Variants in KCNA7 observed in about 807,000 individuals in gnomAD.
KCNA7 encodes potassium voltage-gated channel subfamily A member 7.
KCNA7 carries 15 observed loss-of-function variants against 21.5 expected under a neutral mutation model. That is an observed-to-expected ratio of 0.70 (90% CI 0.47 to 1.07). The LOEUF (loss-of-function observed/expected upper bound fraction) is 1.07, where lower values mean the gene tolerates loss of function less well. Among genes scored for constraint, KCNA7 ranks in the 50% least tolerant of loss-of-function variants. The probability of loss-of-function intolerance (pLI) is 0.00; values close to 1 mark genes in which losing one functional copy is unlikely to be tolerated. For missense variants in KCNA7, 640 were observed against 651.6 expected (o/e 0.98, Z 0.19); for synonymous variants, 298 against 291.0 (o/e 1.02, Z -0.24).
rs758595605 is a variant in KCNA7 at position 49,072,138 on chromosome 19, C to A, written c.448G>T (p.Val150Leu). Residue 150 changes from valine (V) to leucine (L), a missense_variant, in exon 1 of 2, where the codon GTG becomes TTG. Physicochemically the swap from Val to Leu is conservative, Grantham distance 32. Coordinates refer to ENST00000221444, the MANE Select transcript of KCNA7 (RefSeq NM_031886.3). Reference sequence around the variant, plus strand: ...ACGATGGAGACGAGGATGACCAGCACGGAGACTACGGCGAGCACGCGCGCG... The same window carrying A: ...ACGATGGAGACGAGGATGACCAGCAAGGAGACTACGGCGAGCACGCGCGCG... ...QAARVLAVVS[V>L]LVILVSIVVF... 8.7e-6 allele frequency: 14 copies of A among 1,612,404 alleles called. No individual in the cohort carries two copies. In the East Asian group the frequency reaches 1.6e-4, roughly 18 times the overall value.
At position 49,072,367 on chromosome 19, in the gene KCNA7, C is replaced by G. The variant is rs2122260406; in HGVS notation, c.219G>C (p.Gln73His). The stretch of plus-strand genomic sequence containing the variant: ...CCGGCCGCCGCAGCCGCCCACCGGA[C>G]TGGTAGTAGTAGAGCACGGCGTCGA... Reference protein sequence around the residue: ...PSFDAVLYYYQSGGRLRRPAH... With the variant: ...PSFDAVLYYYHSGGRLRRPAH... Residue 73 changes from glutamine to histidine, a missense_variant, in exon 1 of 2, where the codon CAG (glutamine) becomes CAC (histidine). Physicochemically the swap from Gln to His is conservative, Grantham distance 24. Coordinates refer to ENST00000221444, the MANE Select transcript of KCNA7 (RefSeq NM_031886.3). 5 of 1,594,674 alleles carry G rather than the reference C, an allele frequency of 3.1e-6. No homozygotes were observed. Among genetic ancestry groups the G allele is most frequent in the Admixed American group, 1.7e-5 (1 of 59,012 alleles).
Position 49,070,091 on chromosome 19 carries a change from G to A in KCNA7, c.1343C>T (p.Pro448Leu), listed in dbSNP as rs1330098654. Residue 448 changes from proline (P) to leucine (L), a missense_variant, in exon 2 of 2, where the codon CCA becomes CTA. Physicochemically the swap from Pro to Leu is moderately conservative, Grantham distance 98. Transcript: ENST00000221444. This position sits in a 1 kb window ranked among gnomAD's most constrained non-coding sequence, Gnocchi z 4.3. Reference protein sequence around the residue: ...PELPPPLWAPPGKHLVTEV With the variant: ...PELPPPLWAPLGKHLVTEV ...CACTTCGGTGACCAGGTGTTTCCCT[G>A]GGGGTGCCCAGAGTGGAGGTGGTAG... 6.2e-7 allele frequency: 1 copy of A among 1,606,662 alleles called. No homozygotes were observed. The highest frequency in any genetic ancestry group is 1.7e-5 in the Admixed American group (1 of 59,496).
Position 49,070,507 on chromosome 19 carries a change from C to T in KCNA7, c.927G>A (p.Met309Ile). 3 of 1,614,170 alleles carry T rather than the reference C, an allele frequency of 1.9e-6. No homozygotes were observed. Among genetic ancestry groups the T allele is most frequent in the Non-Finnish European group, 2.5e-6 (3 of 1,180,034 alleles). ...AAAAGATGAGGAGGCCCAGCTCACG[C>T]ATGGAGGCCCGAAGCGTCTGGCCCA... is the stretch of plus-strand genomic sequence containing the variant. ...QILGQTLRAS[M>I]RELGLLIFFL... Residue 309 changes from methionine to isoleucine, a missense_variant, in exon 2 of 2, where the codon ATG becomes ATA. By Grantham distance (10) the Met-to-Ile change is conservative (BLOSUM62 1). Coordinates refer to ENST00000221444, the MANE Select transcript of KCNA7 (RefSeq NM_031886.3). This position sits in a 1 kb window ranked among gnomAD's most constrained non-coding sequence, Gnocchi z 4.3.
In KCNA7 at chr19:49,069,773, C is replaced by T; in HGVS notation, c.*290G>A. 1 of 396,486 alleles carries T rather than the reference C, an allele frequency of 2.5e-6. No individual in the cohort carries two copies. The highest frequency in any genetic ancestry group is 4.6e-6 in the Non-Finnish European group (1 of 218,690). The allele number at this position is 396,486 out of a possible 1,614,324, so 24.6% of individuals were successfully genotyped here. A position where few individuals can be genotyped will look rare whatever the true frequency, so the allele number is the denominator to read the frequency against. On this transcript the variant is annotated 3_prime_UTR_variant, in exon 2 of 2. Transcript: ENST00000221444. ...AATGATACGACCAAACCTATCTCAA[C>T]ACTACCCCAAAAGGCTCCATGAGCT...
In KCNA7 at chr19:49,070,753, G is replaced by A; in HGVS notation, c.681C>T (p.Arg227=). The stretch of plus-strand genomic sequence containing the variant: ...TAGCCTTGCTTGGACAGACCAGGAG[G>A]CGTACCAGCAGCTCAAAGGAGAACC... The part of the protein sequence containing the change: ...ICWFSFELLV[R]LLVCPSKAIF... The change falls in exon 2 of 2, where the codon CGC becomes CGT. Residue 227 remains arginine (R), a synonymous_variant. Coordinates refer to ENST00000221444, the MANE Select transcript of KCNA7 (RefSeq NM_031886.3). This position sits in a 1 kb window ranked among gnomAD's most constrained non-coding sequence, Gnocchi z 4.3. The A allele has an allele frequency of 6.2e-7, 1 of 1,614,192 alleles. No homozygotes were observed. The highest frequency in any genetic ancestry group is 2.2e-5 in the East Asian group (1 of 44,880).
chr19:49,067,557 C>A lies in KCNA7; in HGVS notation c.*2506G>T, dbSNP rs991283807. The A allele has an allele frequency of 1.3e-5, 2 of 152,242 alleles. No homozygotes were observed. Among genetic ancestry groups the A allele is most frequent in the African/African-American group, 4.8e-5 (2 of 41,458 alleles). The allele number at this position is 152,242 out of a possible 1,614,324, so 9.4% of individuals were successfully genotyped here. ...TTCGGCCTTGTGACCTTGGGTAACA[C>A]CTGCTGCTCTGAGCCTCAGTTTCCC... On this transcript the variant is annotated 3_prime_UTR_variant, in exon 2 of 2. Coordinates refer to ENST00000221444, the MANE Select transcript of KCNA7 (RefSeq NM_031886.3).
Position 49,070,218 on chromosome 19 carries a change from C to T in KCNA7, c.1216G>A (p.Glu406Lys). The T allele has an allele frequency of 1.2e-6, 2 of 1,614,232 alleles. No homozygotes were observed. Among genetic ancestry groups the T allele is most frequent in the Non-Finnish European group, 8.5e-7 (1 of 1,180,046 alleles). Residue 406 changes from glutamate to lysine, a missense_variant, in exon 2 of 2, where the codon GAG becomes AAG. Transcript: ENST00000221444. This position sits in a 1 kb window ranked among gnomAD's most constrained non-coding sequence, Gnocchi z 4.3. ...CTGAACATCCCAGCCTCTTCGCCCT[C>T]TGTCTCCCGGTGATAAAAGTAGCTG... Reference protein sequence around the residue: ...NFSYFYHRETEGEEAGMFSHV... With the variant: ...NFSYFYHRETKGEEAGMFSHV...
chr19:49,070,038 A>T lies in KCNA7; in HGVS notation c.*25T>A. ...CCCTCCCTCCCTCTAGGGAGGTGTG[A>T]GGTCCTGCAGACCTCAACTGTTCCT... On this transcript the variant is annotated 3_prime_UTR_variant, in exon 2 of 2. Coordinates refer to ENST00000221444, the MANE Select transcript of KCNA7 (RefSeq NM_031886.3). This position sits in a 1 kb window ranked among gnomAD's most constrained non-coding sequence, Gnocchi z 4.3. 1 of 1,499,814 alleles carries T rather than the reference A, an allele frequency of 6.7e-7. No homozygotes were observed. The highest frequency in any genetic ancestry group is 9.1e-7 in the Non-Finnish European group (1 of 1,098,874). The allele number at this position is 1,499,814 out of a possible 1,614,324, so 92.9% of individuals were successfully genotyped here. A position where few individuals can be genotyped will look rare whatever the true frequency, so the allele number is the denominator to read the frequency against.
rs765019061 is a variant in KCNA7 at position 49,072,222 on chromosome 19, G to A, written c.364C>T (p.Arg122Cys). 1.2e-6 allele frequency: 2 copies of A among 1,602,890 alleles called. No individual in the cohort carries two copies. The highest frequency in any genetic ancestry group is 1.3e-5 in the African/African-American group (1 of 74,458). Reference protein sequence around the residue: ...CPVPPERPLPRRAFARQLWLL... With the variant: ...CPVPPERPLPCRAFARQLWLL... ...CACAGCTGGCGGGCGAAGGCGCGGCGGGGCAGGGGGCGCTCGGGCGGCACC... is the reference window on the plus strand; with the variant it reads ...CACAGCTGGCGGGCGAAGGCGCGGCAGGGCAGGGGGCGCTCGGGCGGCACC... The change falls in exon 1 of 2, where the codon CGC becomes TGC. Residue 122 changes from arginine to cysteine, a missense_variant. By Grantham distance (180) the Arg-to-Cys change is radical. Coordinates refer to ENST00000221444, the MANE Select transcript of KCNA7 (RefSeq NM_031886.3).
intron 1 of KCNA7, 131 bp from the exon 2 acceptor site, chr19:49,071,009 C>A: frequency 2.7e-6 from 2 of 735,766 alleles, no homozygotes; most frequent in Non-Finnish European, 4.3e-6. Context: ...CCCTCCGTGA[C>A]CTGGTTATCC....
At position 49,070,430 on chromosome 19, in the gene KCNA7, A is replaced by G. The variant is rs142738378; in HGVS notation, c.1004T>C (p.Val335Ala). ...LFSSAVYFAE[V>A]DRVDSHFTSI... ...AGTGAAATGGGAGTCCACCCGGTCA[A>G]CTTCGGCAAAGTAGACGGCGCTGGA... The change falls in exon 2 of 2, where the codon GTT (valine) becomes GCT (alanine). Residue 335 changes from valine (V) to alanine (A), a missense_variant. Transcript: ENST00000221444. The surrounding 1 kb of genome is among the most constrained non-coding windows in gnomAD (Gnocchi z 4.3). 104 of 1,614,058 alleles carry G rather than the reference A, an allele frequency of 6.4e-5. No homozygotes were observed. Among genetic ancestry groups the G allele is most frequent in the Non-Finnish European group, 8.4e-5 (99 of 1,180,038 alleles).
rs968352535 is a variant in KCNA7, at chr19:49,068,170, G to A, written c.*1893C>T. On this transcript the variant is annotated 3_prime_UTR_variant, in exon 2 of 2. Coordinates refer to ENST00000221444, the MANE Select transcript of KCNA7 (RefSeq NM_031886.3). ...CCACCTCGGCCTCCCAAAGTGCTGGGGTTACAGGCATGAGCCACCGCGCCC... is the reference window on the plus strand; with the variant it reads ...CCACCTCGGCCTCCCAAAGTGCTGGAGTTACAGGCATGAGCCACCGCGCCC... 3 of 152,344 alleles carry A rather than the reference G, an allele frequency of 2.0e-5. No individual in the cohort carries two copies. The highest frequency in any genetic ancestry group is 7.2e-5 in the African/African-American group (3 of 41,408). 9.4% of individuals were successfully genotyped at this position (152,344 alleles called of 1,614,324 possible).
rs959548380 is a variant in KCNA7, at chr19:49,068,222, G to A, written c.*1841C>T. 2.0e-5 allele frequency: 3 copies of A among 151,680 alleles called. No individual in the cohort carries two copies. The highest frequency in any genetic ancestry group is 6.6e-5 in the Admixed American group (1 of 15,208). 9.4% of individuals were successfully genotyped at this position (151,680 alleles called of 1,614,324 possible). ...GCCTTTTCTGCCTTTTTCTATTGTG[G>A]TTCTCTTTCCCTGAGACTCTGTTGT... is the stretch of plus-strand genomic sequence containing the variant. On this transcript the variant is annotated 3_prime_UTR_variant, in exon 2 of 2. Coordinates refer to ENST00000221444, the MANE Select transcript of KCNA7 (RefSeq NM_031886.3).
In KCNA7 at chr19:49,070,713, C is replaced by A. The variant is rs143549029; in HGVS notation, c.721G>T (p.Val241Leu). The A allele has an allele frequency of 1.3e-5, 21 of 1,614,086 alleles. No homozygotes were observed. In the East Asian group the frequency reaches 4.7e-4, roughly 36 times the overall value. Reference sequence around the variant, plus strand: ...GCCACAAAATCGATGAGGTTCATCACGTTCTTGAAGAAGATAGCCTTGCTT... The same window carrying A: ...GCCACAAAATCGATGAGGTTCATCAAGTTCTTGAAGAAGATAGCCTTGCTT... ...CPSKAIFFKN[V>L]MNLIDFVAIL... is the part of the protein sequence containing the mutation. Residue 241 changes from valine to leucine, a missense_variant, in exon 2 of 2, where the codon GTG becomes TTG. Coordinates refer to ENST00000221444, the MANE Select transcript of KCNA7 (RefSeq NM_031886.3). This position sits in a 1 kb window ranked among gnomAD's most constrained non-coding sequence, Gnocchi z 4.3.
Position 49,070,135 on chromosome 19 carries a change from C to T in KCNA7, c.1299G>A (p.Val433=). The change falls in exon 2 of 2, where the codon GTG becomes GTA. Residue 433 remains valine (V), a synonymous_variant. Coordinates refer to ENST00000221444, the MANE Select transcript of KCNA7 (RefSeq NM_031886.3). The surrounding 1 kb of genome is among the most constrained non-coding windows in gnomAD (Gnocchi z 4.3). ...GTGGTAGCTCAGGTACCTCCCCGTC[C>T]ACCAGCCCCCCATTGGCCTTGCCCT... The part of the protein sequence containing the change: ...PLEGKANGGL[V]DGEVPELPPP... 1 of 1,613,952 alleles carries T rather than the reference C, an allele frequency of 6.2e-7. No individual in the cohort carries two copies. Among genetic ancestry groups the T allele is most frequent in the Non-Finnish European group, 8.5e-7 (1 of 1,179,890 alleles).
Position 49,070,975 on chromosome 19 carries a change from T to C in KCNA7, c.556-97A>G. On this transcript the variant is annotated intron_variant, in intron 1 of 1. Transcript: ENST00000221444. This position sits in a 1 kb window ranked among gnomAD's most constrained non-coding sequence, Gnocchi z 4.3. Reference sequence around the variant, plus strand: ...AAATACCCAGCTCCTCTTTACACATTGGTCAGTAGCCGCTGCGCCAAGGCC... The same window carrying C: ...AAATACCCAGCTCCTCTTTACACATCGGTCAGTAGCCGCTGCGCCAAGGCC... The C allele has an allele frequency of 9.5e-7, 1 of 1,049,294 alleles. No homozygotes were observed. The highest frequency in any genetic ancestry group is 3.2e-4 in the Middle Eastern group (1 of 3,166). The allele number at this position is 1,049,294 out of a possible 1,614,324, so 65.0% of individuals were successfully genotyped here.
Position 49,070,630 on chromosome 19 carries a change from G to C in KCNA7, c.804C>G (p.Gly268=). ...GGATGGCCAGTGACATGGCCTGCTG[G>C]CCCACCCCTCGCTGCCGGGCCAGCT... The part of the protein sequence containing the change: ...GTELARQRGV[G]QQAMSLAILR... The change falls in exon 2 of 2, where the codon GGC becomes GGG. Residue 268 remains glycine, a synonymous_variant. Coordinates refer to ENST00000221444, the MANE Select transcript of KCNA7 (RefSeq NM_031886.3). This position sits in a 1 kb window ranked among gnomAD's most constrained non-coding sequence, Gnocchi z 4.3. 6.2e-7 allele frequency: 1 copy of C among 1,614,202 alleles called. No individual in the cohort carries two copies. Among genetic ancestry groups the C allele is most frequent in the Middle Eastern group, 1.6e-4 (1 of 6,062 alleles).
rs986410711 is a variant in KCNA7 at position 49,070,145 on chromosome 19, C to A, written c.1289G>T (p.Gly430Val). ...AGGTACCTCCCCGTCCACCAGCCCC[C>A]CATTGGCCTTGCCCTCCAGTGGGCC... ...PCGPLEGKANGGLVDGEVPEL... is the reference protein window; with the variant it reads ...PCGPLEGKANVGLVDGEVPEL... Residue 430 changes from glycine (G) to valine (V), a missense_variant, in exon 2 of 2, where the codon GGG (glycine) becomes GTG (valine). Transcript: ENST00000221444. This position sits in a 1 kb window ranked among gnomAD's most constrained non-coding sequence, Gnocchi z 4.3. The A allele has an allele frequency of 3.7e-6, 6 of 1,613,970 alleles. No homozygotes were observed. The African/African-American group carries it at 6.7e-5, about 18-fold the overall frequency.
Position 49,072,376 on chromosome 19 carries a change from G to A in KCNA7, c.210C>T (p.Tyr70=), listed in dbSNP as rs2040266010. The change falls in exon 1 of 2, where the codon TAC becomes TAT. Residue 70 remains tyrosine, a synonymous_variant. Coordinates refer to ENST00000221444, the MANE Select transcript of KCNA7 (RefSeq NM_031886.3). ...RHRPSFDAVL[Y]YYQSGGRLRR... ...GCAGCCGCCCACCGGACTGGTAGTA[G>A]TAGAGCACGGCGTCGAAGCTGGGCC... 2 of 1,592,880 alleles carry A rather than the reference G, an allele frequency of 1.3e-6. No homozygotes were observed. Among genetic ancestry groups the A allele is most frequent in the East Asian group, 2.3e-5 (1 of 43,824 alleles).
Sources: gnomAD v4.1 joint callset for allele counts on GRCh38, gnomAD v4.1.1 for gene constraint, Gnocchi (gnomAD v3.1) non-coding constraint, MANE v1.5 for transcripts, NCBI Gene and HGNC (gene_info 2026-07-23, HGNC 2026-07-21) for gene names.